Variants in PRTFDC1 observed in about 807,000 individuals in gnomAD.
PRTFDC1 encodes the protein phosphoribosyl transferase domain containing 1, also known as phosphoribosyltransferase domain-containing protein 1.
In PRTFDC1, 38 loss-of-function variants were observed where a neutral mutation model predicts 34.6. The ratio of observed to expected loss-of-function variants is 1.10; its 90% confidence interval spans 0.85 to 1.44. The LOEUF (loss-of-function observed/expected upper bound fraction) is 1.44. Ranked by LOEUF, PRTFDC1 falls within the 40% of genes most tolerant of loss-of-function variation. PRTFDC1 has a pLI of 0.00. For missense variants in PRTFDC1, 270 were observed against 283.0 expected (o/e 0.95, Z 0.33); for synonymous variants, 93 against 98.1 (o/e 0.95, Z 0.31).
chr10:24,876,803 TCTC>T (rs1366446882), intron 3 of PRTFDC1, among the ~76,000 whole-genome samples: 1 of 151,728 alleles, frequency 6.6e-6, no homozygotes, highest in Non-Finnish European at 1.5e-5. Flanking sequence ...CCCACCTCAG[TCTC>T]CCAATTTCTT....
intron 1 of PRTFDC1, among the ~76,000 whole-genome samples, chr10:24,946,713 T>G (rs1244896069): frequency 2.0e-5 from 3 of 152,258 alleles, no homozygotes; most frequent in African/African-American, 7.2e-5. Flanking sequence ...TGGTCTACAG[T>G]ACTTATGCAA....
chr10:24,856,887 C>T, intron 6 of PRTFDC1, 26 bp downstream of exon 6: 1 of 1,570,170 alleles, frequency 6.4e-7, no homozygotes, highest in Non-Finnish European at 8.8e-7. Flanking sequence ...AACTAGAAAT[C>T]ACCATGCTAT....
At chr10:24,897,633 A>G (rs1848389280) in intron 3 of PRTFDC1, among the ~76,000 whole-genome samples, 1 of 152,248 alleles carries the variant, frequency 6.6e-6, no homozygotes, top group South Asian at 2.1e-4. Flanking sequence ...TTGTAAGCAT[A>G]ACTGTTTTTC....
intron 3 of PRTFDC1, among the ~76,000 whole-genome samples, chr10:24,877,134 G>A (rs1847980235): frequency 6.6e-6 from 1 of 152,002 alleles, no homozygotes; most frequent in Non-Finnish European, 1.5e-5. Context: ...GCATTTTGAT[G>A]TTCACTTTCT....
intron 3 of PRTFDC1, among the ~76,000 whole-genome samples, chr10:24,926,979 C>T (rs1239864127): frequency 1.3e-5 from 2 of 152,000 alleles, no homozygotes; most frequent in African/African-American, 4.8e-5. Flanking sequence ...GAATGTATGT[C>T]AAGAAAATGC....
At chr10:24,935,089 C>A (rs966013287) in intron 3 of PRTFDC1, among the ~76,000 whole-genome samples, 2 of 152,136 alleles carry the variant, frequency 1.3e-5, no homozygotes, top group African/African-American at 4.8e-5. Context: ...ACATTCTTTG[C>A]ATTGTTAAGG....
chr10:24,875,848 T>G (rs1375963887), intron 3 of PRTFDC1, among the ~76,000 whole-genome samples: 4 of 7,550 alleles, frequency 5.3e-4, no homozygotes, highest in African/African-American at 1.8e-3. Flanking sequence ...TTCTCATAGT[T>G]TTTTTTTTTT....
chr10:24,902,193 C>G (rs1848461106), intron 3 of PRTFDC1, among the ~76,000 whole-genome samples: 1 of 151,934 alleles, frequency 6.6e-6, no homozygotes, highest in African/African-American at 2.4e-5. Flanking sequence ...GGTGATTATC[C>G]AGGATTTTTT....
At chr10:24,858,980 G>A (rs185057821) in intron 4 of PRTFDC1, among the ~76,000 whole-genome samples, 2 of 152,138 alleles carry the variant, frequency 1.3e-5, no homozygotes, top group South Asian at 4.1e-4. Context: ...TTTGCAACAA[G>A]CTCTCAAGGC....
intron 3 of PRTFDC1, among the ~76,000 whole-genome samples, chr10:24,906,596 G>T (rs950155581): frequency 1.3e-5 from 2 of 152,198 alleles, no homozygotes; most frequent in Non-Finnish European, 2.9e-5. Context: ...AAAATGGACA[G>T]AATGTAGATC....
At chr10:24,941,664 C>T in intron 2 of PRTFDC1, among the ~76,000 whole-genome samples, 1 of 152,070 alleles carries the variant, frequency 6.6e-6, no homozygotes, top group Non-Finnish European at 1.5e-5. Context: ...AACCCTACCC[C>T]CTACCCAGGA....
At chr10:24,925,727 T>G (rs897549125) in intron 3 of PRTFDC1, among the ~76,000 whole-genome samples, 6 of 152,338 alleles carry the variant, frequency 3.9e-5, no homozygotes, top group African/African-American at 1.4e-4. Context: ...TGACCCTTCC[T>G]AGTTTCCAGC....
intron 3 of PRTFDC1, among the ~76,000 whole-genome samples, chr10:24,888,303 C>A (rs995620647): frequency 3.9e-5 from 6 of 152,140 alleles, no homozygotes; most frequent in African/African-American, 1.2e-4. Flanking sequence ...TGGCTCAGAC[C>A]CTGCCCTGCC....
At chr10:24,870,350 T>C (rs1181142837) in intron 4 of PRTFDC1, among the ~76,000 whole-genome samples, 1 of 152,152 alleles carries the variant, frequency 6.6e-6, no homozygotes, top group African/African-American at 2.4e-5. Context: ...TCAAATGATC[T>C]GCCCATCTCG....
intron 3 of PRTFDC1, among the ~76,000 whole-genome samples, chr10:24,905,060 A>G (rs1380036344): frequency 5.3e-5 from 8 of 151,866 alleles, no homozygotes; most frequent in Admixed American, 5.2e-4. Context: ...TAATCCCAGC[A>G]CTTTGGAAGG....
At chr10:24,949,215 C>T (rs747750414) in intron 1 of PRTFDC1, among the ~76,000 whole-genome samples, 3 of 151,988 alleles carry the variant, frequency 2.0e-5, no homozygotes, top group Admixed American at 6.6e-5. Context: ...TCAGCCTCCC[C>T]GGTAGCTGGG....
chr10:24,936,904 G>A (rs977784637), intron 3 of PRTFDC1, among the ~76,000 whole-genome samples: 1 of 152,088 alleles, frequency 6.6e-6, no homozygotes, highest in Non-Finnish European at 1.5e-5. Flanking sequence ...TGGGCACCAG[G>A]ATATAACCAC....
chr10:24,908,659 G>C (rs760888936), intron 3 of PRTFDC1: 1 of 1,610,340 alleles, frequency 6.2e-7, no homozygotes, highest in East Asian at 2.2e-5. Flanking sequence ...TATCACAGAT[G>C]GTTGTCCTCT....
At chr10:24,938,898 C>T (rs1849097638) in intron 2 of PRTFDC1, among the ~76,000 whole-genome samples, 1 of 152,208 alleles carries the variant, frequency 6.6e-6, no homozygotes. Context: ...CACACACCCC[C>T]ATCAGCAGAG....
Sources: gnomAD v4.1 joint callset for allele counts (sites outside exome capture counted in the v4.1 genomes callset) on GRCh38, gnomAD v4.1.1 for gene constraint, MANE v1.5 for transcripts, NCBI Gene and HGNC (gene_info 2026-07-23, HGNC 2026-07-21) for gene names.